ATP2A3: variants seen among roughly 807,000 people sequenced by gnomAD.
ATP2A3 encodes ATPase sarcoplasmic/endoplasmic reticulum Ca2+ transporting 3.
In ATP2A3, 61 loss-of-function variants were observed where a neutral mutation model predicts 106.8. The observed-to-expected ratio is 0.57, with a 90% CI of 0.46 to 0.71. The LOEUF is 0.71. Ranked by LOEUF, ATP2A3 falls within the 30% of genes least tolerant of loss-of-function variation. The pLI is 0.00. For missense variants in ATP2A3, 1,201 were observed against 1,423.5 expected, an observed-to-expected ratio of 0.84 and a Z score of 2.52; for synonymous variants, 611 against 609.3, an observed-to-expected ratio of 1.00 and a Z score of -0.04.
At chr17:3,927,498 A>G (rs2052772072) in intron 20 of ATP2A3, 6 of 985,440 alleles carry the variant, frequency 6.1e-6, no homozygotes, top group Non-Finnish European at 7.2e-6. Flanking sequence ...AGTGTGGTCA[A>G]GGGCGGCTGG....
At position 3,941,552 on chromosome 17, in the gene ATP2A3, G is replaced by A. The variant is rs1188152717; in HGVS notation, c.1648C>T (p.Arg550Trp). ...GTGTCTGAGCCTGAGCCCCAATCCC[G>A]GATCTTTGCCAGGATCTGCTCCCTG... ...TSREQILAKI[R>W]DWGSGSDTLR... The change falls in exon 13 of 21, where the codon CGG becomes TGG. Residue 550 changes from arginine to tryptophan, a missense_variant. This residue lies in a region of ATP2A3 where 935 missense variants were observed against 1,176.7 expected (regional missense o/e 0.79). Coordinates refer to ENST00000397041, the MANE Select transcript of ATP2A3 (RefSeq NM_005173.4). The A allele has an allele frequency of 3.7e-6, 6 of 1,613,628 alleles. No homozygotes were observed. The highest frequency in any genetic ancestry group is 1.3e-5 in the African/African-American group (1 of 74,940).
Position 3,928,438 on chromosome 17 carries a change from G to T in ATP2A3, c.2980+225C>A. The stretch of plus-strand genomic sequence containing the variant: ...GCAGTGTGGCCCAAGAGGTGCTCCC[G>T]TTGCTGGCCCAGTGAGCCCAGGTCC... On this transcript the variant is annotated intron_variant, in intron 20 of 20. Coordinates refer to ENST00000397041, the MANE Select transcript of ATP2A3 (RefSeq NM_005173.4). The surrounding 1 kb of genome is among the most constrained non-coding windows in gnomAD (Gnocchi z 6.1). 8.6e-7 allele frequency: 1 copy of T among 1,158,688 alleles called. No individual in the cohort carries two copies. The allele number at this position is 1,158,688 out of a possible 1,614,324, so 71.8% of individuals were successfully genotyped here.
At chr17:3,931,722 C>T (rs1052998785) in intron 17 of ATP2A3, among the ~76,000 whole-genome samples, 8 of 152,152 alleles carry the variant, frequency 5.3e-5, no homozygotes, top group Middle Eastern at 3.4e-3. Context: ...GGGGTTTCAC[C>T]GTGTTAGCCA....
chr17:3,928,506 C>CA lies in ATP2A3; in HGVS notation c.2980+156dup. The CA allele has an allele frequency of 1.0e-6, 1 of 952,770 alleles. No individual in the cohort carries two copies. The highest frequency in any genetic ancestry group is 1.6e-6 in the Non-Finnish European group (1 of 615,630). The allele number at this position is 952,770 out of a possible 1,614,324, so 59.0% of individuals were successfully genotyped here. On this transcript the variant is annotated intron_variant, in intron 20 of 20. Transcript: ENST00000397041. This position sits in a 1 kb window ranked among gnomAD's most constrained non-coding sequence, Gnocchi z 6.1. ...TGCGGACACCTTGGGACCCAGCCAC[C>CA]AGAGCCCCTTCACACCCTCCACTTG...
intron 5 of ATP2A3, among the ~76,000 whole-genome samples, 187 bp from the exon 6 acceptor site, chr17:3,950,960 G>A (rs1322954315): frequency 2.6e-5 from 4 of 152,074 alleles, no homozygotes; most frequent in Admixed American, 6.6e-5. Context: ...AAAGGGCTTT[G>A]GAGGGATCCG....
chr17:3,951,563 A>AC lies in ATP2A3; in HGVS notation c.324+17dup. 1 of 386,622 alleles carries AC rather than the reference A, an allele frequency of 2.6e-6. No individual in the cohort carries two copies. The highest frequency in any genetic ancestry group is 3.8e-6 in the Non-Finnish European group (1 of 265,862). The allele number at this position is 386,622 out of a possible 1,614,324, so 23.9% of individuals were successfully genotyped here. On this transcript the variant is annotated intron_variant, in intron 4 of 20. Coordinates refer to ENST00000397041, the MANE Select transcript of ATP2A3 (RefSeq NM_005173.4). Reference sequence around the variant, plus strand: ...GGGAGACCGCCCCCCGCCCGGTCCCACCCCCAGTGCCTCCCACCTGCCACA... The same window carrying AC: ...GGGAGACCGCCCCCCGCCCGGTCCCACCCCCCAGTGCCTCCCACCTGCCACA...
chr17:3,958,901 G>A (rs188087043), intron 1 of ATP2A3, among the ~76,000 whole-genome samples: 10,848 of 102,740 alleles, frequency 0.11, 1,181 homozygotes, highest in East Asian at 0.18. Flanking sequence ...TATATATATT[G>A]TTTTTTTTCA....
chr17:3,951,447 C>T (rs964979402), intron 4 of ATP2A3, 58 bp from the exon 5 acceptor site: 4 of 1,611,686 alleles, frequency 2.5e-6, no homozygotes, highest in East Asian at 2.2e-5. Context: ...AGACCACCCC[C>T]TTGGAGTGAC....
At chr17:3,937,678 C>T (rs1216114066) in intron 14 of ATP2A3, 42 bp from the exon 15 acceptor site, 1 of 1,587,612 alleles carries the variant, frequency 6.3e-7, no homozygotes, top group Non-Finnish European at 8.6e-7. Context: ...AGAAACTTCC[C>T]TTCCACCTCC....
At position 3,943,388 on chromosome 17, in the gene ATP2A3, C is replaced by T. The variant is rs1567700138; in HGVS notation, c.1419+3G>A. ...GGAGGCCTGAGCCCCCAGCCCTGCT[C>T]ACCGTGTTACAGGCGCCAGCTCGCT... On this transcript the variant is annotated splice_donor_region_variant and intron_variant, in intron 11 of 20. Coordinates refer to ENST00000397041, the MANE Select transcript of ATP2A3 (RefSeq NM_005173.4). 1 of 1,613,734 alleles carries T rather than the reference C, an allele frequency of 6.2e-7. No individual in the cohort carries two copies. Among genetic ancestry groups the T allele is most frequent in the Non-Finnish European group, 8.5e-7 (1 of 1,179,948 alleles).
Position 3,942,636 on chromosome 17 carries a change from A to AGGGTGAG in ATP2A3, c.1508_1514dup (p.Thr506SerfsTer16). 1 of 1,612,674 alleles carries AGGGTGAG rather than the reference A, an allele frequency of 6.2e-7. No individual in the cohort carries two copies. Among genetic ancestry groups the AGGGTGAG allele is most frequent in the Non-Finnish European group, 8.5e-7 (1 of 1,179,748 alleles). On this transcript the variant is annotated frameshift_variant, in exon 12 of 21. Transcript: ENST00000397041. LOFTEE classifies it high-confidence loss of function. The stretch of plus-strand genomic sequence containing the variant: ...CAAACATCTTGCTGCCCTGGCCAGT[A>AGGGTGAG]GGGTGAGGGCGGGTGGGCGTGCAGT...
rs559241473 is a variant in ATP2A3, at chr17:3,936,107, G to A, written c.2524+160C>T. 6.6e-6 allele frequency among the ~76,000 whole-genome samples: 1 copy of A among 152,344 alleles called. No homozygotes were observed. The highest frequency in any genetic ancestry group is 6.5e-5 in the Admixed American group (1 of 15,298). ...AGTGCCAAAATATGCCAGTGATACTGAGACCCAGATCCCGCCATGCCTGGT... is the reference window on the plus strand; with the variant it reads ...AGTGCCAAAATATGCCAGTGATACTAAGACCCAGATCCCGCCATGCCTGGT... On this transcript the variant is annotated intron_variant, in intron 16 of 20. Transcript: ENST00000397041. The surrounding 1 kb of genome is among the most constrained non-coding windows in gnomAD (Gnocchi z 5.4).
chr17:3,951,559 T>TGCCCCCCCCCCAGGCCCCCCCCCCC, intron 4 of ATP2A3, 22 bp downstream of exon 4: 1 of 596,272 alleles, frequency 1.7e-6, no homozygotes, highest in Non-Finnish European at 2.5e-6. Context: ...CCCCGCCCGG[T>TGCCCCCCCCCCAGGCCCCCCCCCCC]CCCACCCCCA....
chr17:3,924,666 C>CTGAG lies in ATP2A3; in HGVS notation c.*752_*755dup, dbSNP rs763442979. On this transcript the variant is annotated 3_prime_UTR_variant, in exon 21 of 21. Coordinates refer to ENST00000397041, the MANE Select transcript of ATP2A3 (RefSeq NM_005173.4). This position sits in a 1 kb window ranked among gnomAD's most constrained non-coding sequence, Gnocchi z 6.4. ...TCTCCCGAGCTCAGGACGGGGAACC[C>CTGAG]TGAGTCCAGGAGGCGCGCGGGGCTG... 1.5e-4 allele frequency: 67 copies of CTGAG among 437,554 alleles called. No individual in the cohort carries two copies. Among genetic ancestry groups the CTGAG allele is most frequent in the East Asian group, 1.2e-3 (17 of 14,256 alleles). 27.1% of individuals were successfully genotyped at this position (437,554 alleles called of 1,614,324 possible).
rs754807179 is a variant in ATP2A3 at position 3,953,365 on chromosome 17, C to CAGCA, written c.197_200dup (p.Ala69GlyfsTer56). The CAGCA allele has an allele frequency of 6.2e-7, 1 of 1,614,034 alleles. No homozygotes were observed. On this transcript the variant is annotated frameshift_variant, in exon 3 of 21. Transcript: ENST00000397041. LOFTEE classifies it high-confidence loss of function. This position sits in a 1 kb window ranked among gnomAD's most constrained non-coding sequence, Gnocchi z 5.1. ...TACTTACAAAGGAGACAAGGGCAGCCAGCAGCAGGATGCGCACCAGGAGGT... is the reference window on the plus strand; with the variant it reads ...TACTTACAAAGGAGACAAGGGCAGCCAGCAAGCAGCAGGATGCGCACCAGGAGGT...
At position 3,959,887 on chromosome 17, in the gene ATP2A3, T is replaced by G. The variant is rs76133644; in HGVS notation, c.118+4287A>C. ...CTGGAGATGAAGGGTTTGCTCAACA[T>G]CTCTTCGTCCGACTGTGCTATGGGA... On this transcript the variant is annotated intron_variant, in intron 1 of 20. Coordinates refer to ENST00000397041, the MANE Select transcript of ATP2A3 (RefSeq NM_005173.4). Among the ~76,000 whole-genome samples, 552 of 152,240 alleles carry G rather than the reference T, an allele frequency of 3.6e-3. 5 individuals carry two copies. Among genetic ancestry groups the G allele is most frequent in the African/African-American group, 0.013 (534 of 41,550 alleles).
Position 3,925,037 on chromosome 17 carries a change from A to G in ATP2A3, c.*385T>C. On this transcript the variant is annotated 3_prime_UTR_variant, in exon 21 of 21. Transcript: ENST00000397041. This position sits in a 1 kb window ranked among gnomAD's most constrained non-coding sequence, Gnocchi z 4.2. ...GGCACCAGTCACCAAGTGAACGTCC[A>G]GCTTCCGAACAAGGGGGAGCAAGCT... 2.3e-6 allele frequency: 1 copy of G among 427,390 alleles called. No individual in the cohort carries two copies. The highest frequency in any genetic ancestry group is 2.1e-5 in the South Asian group (1 of 47,796). The allele number at this position is 427,390 out of a possible 1,614,324, so 26.5% of individuals were successfully genotyped here.
intron 20 of ATP2A3, chr17:3,927,946 C>G: frequency 1.2e-6 from 2 of 1,612,286 alleles, no homozygotes; most frequent in South Asian, 1.1e-5. Context: ...ATACGGCCAC[C>G]GCCTCTGCGC....
Position 3,936,400 on chromosome 17 carries a change from C to T in ATP2A3, c.2391G>A (p.Leu797=). 2 of 1,614,088 alleles carry T rather than the reference C, an allele frequency of 1.2e-6. No individual in the cohort carries two copies. The highest frequency in any genetic ancestry group is 1.7e-6 in the Non-Finnish European group (2 of 1,180,018). ...LIPVQLLWVN[L]VTDGLPATAL... Reference sequence around the variant, plus strand: ...CCGTGGCAGGTAGGCCGTCTGTCACCAGGTTCACCCAGAGCAGCTGCACAG... The same window carrying T: ...CCGTGGCAGGTAGGCCGTCTGTCACTAGGTTCACCCAGAGCAGCTGCACAG... Residue 797 remains leucine (L), a synonymous_variant, in exon 16 of 21, where the codon CTG becomes CTA. Transcript: ENST00000397041. The surrounding 1 kb of genome is among the most constrained non-coding windows in gnomAD (Gnocchi z 5.4).
Sources: gnomAD v4.1 joint callset for allele counts (sites outside exome capture counted in the v4.1 genomes callset) on GRCh38, gnomAD v4.1.1 for gene constraint, gnomAD v4.1.1 regional missense constraint, Gnocchi (gnomAD v3.1) non-coding constraint, MANE v1.5 for transcripts, NCBI Gene and HGNC (gene_info 2026-07-23, HGNC 2026-07-21) for gene names.